The following SHROOM3 variants were observed in gnomAD, a reference collection of about 807,000 sequenced individuals.
The protein encoded by SHROOM3 is protein Shroom3.
Under a neutral mutation model 138.6 loss-of-function variants are expected in SHROOM3, and 47 were observed. That is an observed-to-expected ratio of 0.34 (90% CI 0.27 to 0.43). The LOEUF (loss-of-function observed/expected upper bound fraction) is 0.43. Ranked by LOEUF, SHROOM3 falls within the 20% of genes least tolerant of loss-of-function variation. The probability of loss-of-function intolerance (pLI) is 1.00; values close to 1 mark genes in which losing one functional copy is unlikely to be tolerated. For missense variants in SHROOM3, 2,491 were observed against 2,596.5 expected, an observed-to-expected ratio of 0.96 and a Z score of 0.88; for synonymous variants, 1,062 against 1,063.3, an observed-to-expected ratio of 1.00 and a Z score of 0.02.
At chr4:76,640,363 G>A (rs995475286) in intron 2 of SHROOM3, among the ~76,000 whole-genome samples, 4 of 152,174 alleles carry the variant, frequency 2.6e-5, no homozygotes, top group South Asian at 2.1e-4. Flanking sequence ...GCTCTCCCGC[G>A]TCAGAAGTGC....
rs377632465 is a variant in SHROOM3, at chr4:76,754,575, T to C, written c.4092T>C (p.Ser1364=). Residue 1364 remains serine, a synonymous_variant, in exon 7 of 11, where the codon TCT becomes TCC. Transcript: ENST00000296043. Reference sequence around the variant, plus strand: ...CCCCTCTGCCTTCAGCCATTCCCTCTGGCTACTGCTCACAGGACGGTCAGA... The same window carrying C: ...CCCCTCTGCCTTCAGCCATTCCCTCCGGCTACTGCTCACAGGACGGTCAGA... ...IGTPLPSAIP[S]GYCSQDGQTG... 4 of 1,613,998 alleles carry C rather than the reference T, an allele frequency of 2.5e-6. No individual in the cohort carries two copies. The African/African-American group carries it at 4.0e-5, about 16-fold the overall frequency.
At chr4:76,492,339 G>A (rs146193257) in intron 1 of SHROOM3, among the ~76,000 whole-genome samples, 110 of 152,322 alleles carry the variant, frequency 7.2e-4, no homozygotes, top group African/African-American at 2.5e-3. Context: ...GAGCAAGTAT[G>A]CTGTTCTGAA....
chr4:76,719,613 G>C (rs1472713293), intron 3 of SHROOM3, among the ~76,000 whole-genome samples: 1 of 152,166 alleles, frequency 6.6e-6, no homozygotes, highest in African/African-American at 2.4e-5. Context: ...CTGATTCTCT[G>C]TGTGTGTCAT....
At chr4:76,738,681 T>C in intron 4 of SHROOM3, 80 bp from the exon 5 acceptor site, 1 of 1,536,178 alleles carries the variant, frequency 6.5e-7, no homozygotes, top group Non-Finnish European at 9.0e-7. Context: ...CAAGAGAACA[T>C]TTATAAGCTG....
intron 2 of SHROOM3, among the ~76,000 whole-genome samples, chr4:76,694,169 G>A (rs1043537402): frequency 6.6e-6 from 1 of 152,124 alleles, no homozygotes; most frequent in Admixed American, 6.5e-5. Context: ...TTGTTGGGTT[G>A]GTTTAATTCA....
intron 2 of SHROOM3, among the ~76,000 whole-genome samples, chr4:76,574,814 G>T (rs1208217269): frequency 6.6e-6 from 1 of 152,158 alleles, no homozygotes; most frequent in African/African-American, 2.4e-5. Context: ...AGTTGCCACA[G>T]GTTGGGGGAG....
chr4:76,608,531 A>G lies in SHROOM3; in HGVS notation c.323+52768A>G, dbSNP rs577499701. Among the ~76,000 whole-genome samples the G allele has an allele frequency of 4.4e-4, 6 of 13,768 alleles. No homozygotes were observed. In the East Asian group the frequency reaches 7.2e-3, roughly 16 times the overall value. The allele number at this position is 13,768 out of a possible 152,430, so 9.0% of individuals were successfully genotyped here. On this transcript the variant is annotated intron_variant, in intron 2 of 10. Coordinates refer to ENST00000296043, the MANE Select transcript of SHROOM3 (RefSeq NM_020859.4). ...ATTTGATTGATTGGACAGAGATGGCATAGCATAGCATAGCATAGCATAGCA... is the reference window on the plus strand; with the variant it reads ...ATTTGATTGATTGGACAGAGATGGCGTAGCATAGCATAGCATAGCATAGCA...
At chr4:76,455,707 A>AT (rs959499855) in intron 1 of SHROOM3, among the ~76,000 whole-genome samples, 5 of 152,184 alleles carry the variant, frequency 3.3e-5, no homozygotes, top group East Asian at 1.9e-4. Context: ...ATGAAATTAG[A>AT]TTTTTTTTAA....
chr4:76,700,906 T>G (rs1239828633), intron 2 of SHROOM3, among the ~76,000 whole-genome samples: 2 of 152,086 alleles, frequency 1.3e-5, no homozygotes, highest in African/African-American at 2.4e-5. Context: ...TGCCTCAGCC[T>G]CCTGAGTAGC....
chr4:76,735,851 AAAAAAAAAAAAAAAAAAATATATAT>A lies in SHROOM3; in HGVS notation c.588-2908_588-2884del, dbSNP rs1274883141. ...CGAGACTCTATCTTAAAAAAAAAAA[AAAAAAAAAAAAAAAAAAATATATAT>A]ATATATATATATATATATATATATA... On this transcript the variant is annotated intron_variant, in intron 4 of 10. Coordinates refer to ENST00000296043, the MANE Select transcript of SHROOM3 (RefSeq NM_020859.4). 1.1e-3 allele frequency among the ~76,000 whole-genome samples: 71 copies of A among 62,088 alleles called. 1 individual carries two copies. Among genetic ancestry groups the A allele is most frequent in the African/African-American group, 3.8e-3 (68 of 17,760 alleles). The allele number at this position is 62,088 out of a possible 152,430, so 40.7% of individuals were successfully genotyped here. A position where few individuals can be genotyped will look rare whatever the true frequency, so the allele number is the denominator to read the frequency against.
At chr4:76,549,400 G>T (rs570715756) in intron 1 of SHROOM3, among the ~76,000 whole-genome samples, 1 of 151,188 alleles carries the variant, frequency 6.6e-6, no homozygotes, top group Non-Finnish European at 1.5e-5. Context: ...ATGGCGTCTC[G>T]CTCTGTTGCC....
chr4:76,765,040 C>A (rs902048416), intron 9 of SHROOM3, among the ~76,000 whole-genome samples: 2 of 151,226 alleles, frequency 1.3e-5, no homozygotes, highest in East Asian at 1.9e-4. Context: ...TTCTTTCAGT[C>A]CTTCAGATTG....
intron 1 of SHROOM3, among the ~76,000 whole-genome samples, chr4:76,465,776 A>G (rs1408556683): frequency 6.6e-6 from 1 of 152,218 alleles, no homozygotes; most frequent in Non-Finnish European, 1.5e-5. Flanking sequence ...CTCACTGACT[A>G]TTAGATTGTT....
At position 76,740,973 on chromosome 4, in the gene SHROOM3, C is replaced by G; in HGVS notation, c.2800C>G (p.Arg934Gly). ...YRNSIKDAQS[R>G]VLGATSFRRR... ...GAACAGCATCAAGGACGCACAGTCCCGTGTCTTGGGGGCCACCTCCTTTCG... is the reference window on the plus strand; with the variant it reads ...GAACAGCATCAAGGACGCACAGTCCGGTGTCTTGGGGGCCACCTCCTTTCG... The change falls in exon 5 of 11, where the codon CGT becomes GGT. Residue 934 changes from arginine (R) to glycine (G), a missense_variant. Transcript: ENST00000296043. The surrounding 1 kb of genome is among the most constrained non-coding windows in gnomAD (Gnocchi z 4.0). 1 of 1,496,530 alleles carries G rather than the reference C, an allele frequency of 6.7e-7. No homozygotes were observed. The highest frequency in any genetic ancestry group is 8.9e-7 in the Non-Finnish European group (1 of 1,127,112). The allele number at this position is 1,496,530 out of a possible 1,614,324, so 92.7% of individuals were successfully genotyped here. A position where few individuals can be genotyped will look rare whatever the true frequency, so the allele number is the denominator to read the frequency against.
chr4:76,648,566 T>C (rs1321600269), intron 2 of SHROOM3, among the ~76,000 whole-genome samples: 1 of 152,068 alleles, frequency 6.6e-6, no homozygotes, highest in African/African-American at 2.4e-5. Context: ...GATGGAGTCA[T>C]GTTTATATGA....
intron 2 of SHROOM3, among the ~76,000 whole-genome samples, chr4:76,571,586 C>T (rs1297911113): frequency 5.9e-5 from 9 of 152,234 alleles, no homozygotes; most frequent in Middle Eastern, 6.8e-3. Context: ...GTGGCAGAGG[C>T]GTTAGAGTGC....
At chr4:76,637,844 C>T (rs1735543702) in intron 2 of SHROOM3, among the ~76,000 whole-genome samples, 1 of 152,236 alleles carries the variant, frequency 6.6e-6, no homozygotes. Flanking sequence ...GGGCGAGTGC[C>T]TTGGGAGGGA....
intron 3 of SHROOM3, among the ~76,000 whole-genome samples, chr4:76,726,486 CCA>C (rs1233864927): frequency 6.8e-6 from 1 of 147,322 alleles, no homozygotes; most frequent in Non-Finnish European, 1.5e-5. Flanking sequence ...CCAGAATGAG[CCA>C]TCAGCATCCT....
intron 2 of SHROOM3, among the ~76,000 whole-genome samples, chr4:76,605,094 T>G (rs2110057192): frequency 6.6e-6 from 1 of 152,312 alleles, no homozygotes; most frequent in East Asian, 1.9e-4. Flanking sequence ...AAATGCAGGC[T>G]TGAAAAGTAA....
Sources: gnomAD v4.1 joint callset for allele counts (sites outside exome capture counted in the v4.1 genomes callset) on GRCh38, gnomAD v4.1.1 for gene constraint, Gnocchi (gnomAD v3.1) non-coding constraint, MANE v1.5 for transcripts, NCBI Gene and HGNC (gene_info 2026-07-23, HGNC 2026-07-21) for gene names.